ADIPOR2: variants seen among roughly 807,000 people sequenced by gnomAD.
The protein encoded by ADIPOR2 is adiponectin receptor protein 2.
A neutral mutation model predicts 40.9 loss-of-function variants in ADIPOR2; 18 were observed. The observed-to-expected ratio is 0.44, with a 90% CI of 0.30 to 0.65. The LOEUF (loss-of-function observed/expected upper bound fraction) is 0.65. Ranked by LOEUF, ADIPOR2 falls within the 30% of genes least tolerant of loss-of-function variation. The pLI, the probability that ADIPOR2 is intolerant of heterozygous loss-of-function variation, is 0.09. For missense variants in ADIPOR2, 283 were observed against 479.2 expected (o/e 0.59, Z 3.82); for synonymous variants, 165 against 166.4 (o/e 0.99, Z 0.06).
chr12:1,768,233 C>T (rs1862425064), intron 2 of ADIPOR2, among the ~76,000 whole-genome samples: 1 of 152,168 alleles, frequency 6.6e-6, no homozygotes, highest in African/African-American at 2.4e-5. Flanking sequence ...TGTGGCACTT[C>T]TTGTACTTCC....
chr12:1,715,164 C>T (rs2094685047), intron 1 of ADIPOR2, among the ~76,000 whole-genome samples: 2 of 152,064 alleles, frequency 1.3e-5, no homozygotes, highest in African/African-American at 4.8e-5. Context: ...GGTCCTCCTC[C>T]CCAATATTGC....
At chr12:1,747,671 T>C (rs2094758622) in intron 1 of ADIPOR2, among the ~76,000 whole-genome samples, 1 of 152,126 alleles carries the variant, frequency 6.6e-6, no homozygotes, top group South Asian at 2.1e-4. Flanking sequence ...AGTTTTGAAA[T>C]GTAGTTTTGC....
In ADIPOR2 at chr12:1,726,634, A is replaced by G. The variant is rs1479972394; in HGVS notation, c.-86-27624A>G. ...CTTTGTGTGTTTCAGAATTCTTCAC[A>G]GTGATCCTTGCTTGTCCTCACTCCT... On this transcript the variant is annotated intron_variant, in intron 1 of 7. Coordinates refer to ENST00000357103, the MANE Select transcript of ADIPOR2 (RefSeq NM_024551.3). Among the ~76,000 whole-genome samples the G allele has an allele frequency of 4.0e-5, 6 of 151,600 alleles. No homozygotes were observed. The East Asian group carries it at 7.8e-4, about 20-fold the overall frequency.
chr12:1,747,358 A>G (rs978459589), intron 1 of ADIPOR2, among the ~76,000 whole-genome samples: 1 of 152,258 alleles, frequency 6.6e-6, no homozygotes, highest in Non-Finnish European at 1.5e-5. Flanking sequence ...CATTGGGTCA[A>G]AAATCACAAG....
At chr12:1,722,367 G>A (rs905338388) in intron 1 of ADIPOR2, among the ~76,000 whole-genome samples, 1 of 152,142 alleles carries the variant, frequency 6.6e-6, no homozygotes, top group Non-Finnish European at 1.5e-5. Flanking sequence ...TGTTAAGTTT[G>A]AGGTGCCAAT....
At chr12:1,704,037 G>A (rs1172699701) in intron 1 of ADIPOR2, among the ~76,000 whole-genome samples, 5 of 132,618 alleles carry the variant, frequency 3.8e-5, no homozygotes, top group African/African-American at 1.4e-4. Context: ...TTTTTTTTGG[G>A]TCTTGGTTCT....
Position 1,777,391 on chromosome 12 carries a change from T to C in ADIPOR2, c.292-463T>C, listed in dbSNP as rs542149753. On this transcript the variant is annotated intron_variant, in intron 3 of 7. Coordinates refer to ENST00000357103, the MANE Select transcript of ADIPOR2 (RefSeq NM_024551.3). ...AGTATATTTTTTCTTTCTTTTTTTT[T>C]TTTTTTTTTTTTGAGGCAGAGTTTT... Among the ~76,000 whole-genome samples the C allele has an allele frequency of 9.1e-4, 133 of 146,384 alleles. 3 individuals carry two copies. The South Asian group carries it at 0.023, about 25-fold the overall frequency.
intron 5 of ADIPOR2, 115 bp from the exon 6 acceptor site, chr12:1,780,774 C>A: frequency 7.4e-7 from 1 of 1,356,818 alleles, no homozygotes; most frequent in East Asian, 2.4e-5. Context: ...AAGAGCAACC[C>A]AGTTTGGCTC....
In ADIPOR2 at chr12:1,754,337, G is replaced by A. The variant is rs770105837; in HGVS notation, c.-7G>A. On this transcript the variant is annotated 5_prime_UTR_variant, in exon 2 of 8. Coordinates refer to ENST00000357103, the MANE Select transcript of ADIPOR2 (RefSeq NM_024551.3). ...AGATCTATTTGTAAGAAAGGCTTGG[G>A]TATCCCATGAACGAGCCAACAGAAA... 2.5e-6 allele frequency: 4 copies of A among 1,587,138 alleles called. No individual in the cohort carries two copies. Among genetic ancestry groups the A allele is most frequent in the Non-Finnish European group, 3.4e-6 (4 of 1,167,748 alleles).
chr12:1,775,584 G>A (rs948825409), intron 3 of ADIPOR2, among the ~76,000 whole-genome samples: 1 of 152,192 alleles, frequency 6.6e-6, no homozygotes, highest in African/African-American at 2.4e-5. Flanking sequence ...TAGCAGTTTG[G>A]ATACAGCAGA....
chr12:1,709,843 G>A (rs931787268), intron 1 of ADIPOR2, among the ~76,000 whole-genome samples: 5 of 152,178 alleles, frequency 3.3e-5, no homozygotes, highest in African/African-American at 9.6e-5. Flanking sequence ...AAGAATGTCT[G>A]TTACTGGCTT....
intron 4 of ADIPOR2, 141 bp downstream of exon 4, chr12:1,778,166 T>G: frequency 9.9e-7 from 1 of 1,010,200 alleles, no homozygotes; most frequent in Non-Finnish European, 1.4e-6. Context: ...ATGAATTTTC[T>G]GACTGGTTTA....
intron 2 of ADIPOR2, among the ~76,000 whole-genome samples, chr12:1,764,053 T>C (rs1862324126): frequency 1.3e-5 from 2 of 152,206 alleles, no homozygotes; most frequent in African/African-American, 2.4e-5. Context: ...AAGAAATGAA[T>C]GATTAAACCT....
chr12:1,701,996 C>T (rs898778486), intron 1 of ADIPOR2, among the ~76,000 whole-genome samples: 7 of 152,094 alleles, frequency 4.6e-5, no homozygotes, highest in Admixed American at 3.9e-4. Flanking sequence ...GTGGCGCGTG[C>T]CTGTAATCCC....
chr12:1,707,370 CT>C (rs1196486169), intron 1 of ADIPOR2, among the ~76,000 whole-genome samples: 8 of 151,822 alleles, frequency 5.3e-5, no homozygotes, highest in African/African-American at 1.9e-4. Context: ...TTTTATCTTC[CT>C]GTAATCTCAT....
chr12:1,740,337 G>T (rs2094740019), intron 1 of ADIPOR2, among the ~76,000 whole-genome samples: 1 of 152,206 alleles, frequency 6.6e-6, no homozygotes, highest in Non-Finnish European at 1.5e-5. Context: ...GGAGGCTAGA[G>T]TTTCAAGATC....
chr12:1,706,025 G>A (rs145647123), intron 1 of ADIPOR2, among the ~76,000 whole-genome samples: 1 of 152,326 alleles, frequency 6.6e-6, no homozygotes, highest in African/African-American at 2.4e-5. Flanking sequence ...ACTGGGCCTT[G>A]TTCAAAGTTG....
chr12:1,769,541 C>T (rs1862453414), intron 2 of ADIPOR2, among the ~76,000 whole-genome samples: 2 of 152,196 alleles, frequency 1.3e-5, no homozygotes, highest in Admixed American at 1.3e-4. Flanking sequence ...CTTTGCCCTT[C>T]TGAAGGAAAT....
intron 1 of ADIPOR2, among the ~76,000 whole-genome samples, chr12:1,691,537 T>C (rs2094627010): frequency 6.6e-6 from 1 of 152,214 alleles, no homozygotes; most frequent in African/African-American, 2.4e-5. Context: ...TTGCTCCAGC[T>C]CCCTGCCCGC....
Sources: gnomAD v4.1 joint callset for allele counts (sites outside exome capture counted in the v4.1 genomes callset) on GRCh38, gnomAD v4.1.1 for gene constraint, MANE v1.5 for transcripts, NCBI Gene and HGNC (gene_info 2026-07-23, HGNC 2026-07-21) for gene names.